Variants in SGCZ observed in about 807,000 individuals in gnomAD.
The protein encoded by SGCZ is sarcoglycan zeta.
Under a neutral mutation model 41.3 loss-of-function variants are expected in SGCZ, and 40 were observed. The ratio of observed to expected loss-of-function variants is 0.97; its 90% CI spans 0.75 to 1.26. The LOEUF (loss-of-function observed/expected upper bound fraction) is 1.26, where lower values mean the gene tolerates loss of function less well. SGCZ is among the 50% of genes most tolerant of loss of function. SGCZ has a pLI of 0.00. For missense variants in SGCZ, 552 were observed against 369.8 expected (o/e 1.49, Z -4.04); for synonymous variants, 206 against 137.5 (o/e 1.50, Z -3.49).
intron 2 of SGCZ, among the ~76,000 whole-genome samples, chr8:14,356,315 G>A (rs937843371): frequency 6.6e-6 from 1 of 152,168 alleles, no homozygotes; most frequent in African/African-American, 2.4e-5. Context: ...CTGTGTATCA[G>A]TTACCCAAAA....
rs1800912451 is a variant in SGCZ at position 14,461,923 on chromosome 8, ATGT to A, written c.234+92806_234+92808del. ...TATTGATTTGGGAATACTGTCAAAG[ATGT>A]TGTTATATAATGCTTCCACTTTCTG... On this transcript the variant is annotated intron_variant, in intron 2 of 7. Transcript: ENST00000382080. 2.0e-5 allele frequency among the ~76,000 whole-genome samples: 3 copies of A among 152,104 alleles called. No homozygotes were observed. In the South Asian group the frequency reaches 6.2e-4, roughly 31 times the overall value.
At chr8:15,106,088 T>C (rs1391069506) in intron 1 of SGCZ, among the ~76,000 whole-genome samples, 1 of 152,200 alleles carries the variant, frequency 6.6e-6, no homozygotes, top group Admixed American at 6.5e-5. Context: ...CTGTAATATC[T>C]AGCATTCCTA....
At chr8:15,173,975 G>C (rs1799928208) in intron 1 of SGCZ, among the ~76,000 whole-genome samples, 1 of 152,056 alleles carries the variant, frequency 6.6e-6, no homozygotes, top group African/African-American at 2.4e-5. Flanking sequence ...TTCCACTTCA[G>C]CCTCCCAACG....
chr8:14,298,342 C>G (rs1199350635), intron 3 of SGCZ, among the ~76,000 whole-genome samples: 1 of 151,736 alleles, frequency 6.6e-6, no homozygotes, highest in Non-Finnish European at 1.5e-5. Flanking sequence ...ATATTGTAGT[C>G]AGGCCTCACC....
At chr8:14,508,933 T>A (rs1217686395) in intron 2 of SGCZ, among the ~76,000 whole-genome samples, 1 of 152,176 alleles carries the variant, frequency 6.6e-6, no homozygotes, top group Non-Finnish European at 1.5e-5. Flanking sequence ...ATTACTATTT[T>A]ACAAACATCA....
chr8:14,387,623 A>G (rs1804621708), intron 2 of SGCZ, among the ~76,000 whole-genome samples: 2 of 152,200 alleles, frequency 1.3e-5, no homozygotes, highest in Admixed American at 6.5e-5. Context: ...TTAAATGAAT[A>G]TTTGCAATTT....
chr8:15,052,834 T>C lies in SGCZ; in HGVS notation c.39+184751A>G, dbSNP rs180987740. Among the ~76,000 whole-genome samples the C allele has an allele frequency of 2.0e-3, 312 of 152,278 alleles. 1 individual carries two copies. The highest frequency in any genetic ancestry group is 3.4e-3 in the Middle Eastern group (1 of 292). ...CAAGATATTTGATTTCAGAACACGT[T>C]GAAGGATAATGGCTTCCACTGAACT... On this transcript the variant is annotated intron_variant, in intron 1 of 7. Coordinates refer to ENST00000382080, the MANE Select transcript of SGCZ (RefSeq NM_139167.4).
intron 1 of SGCZ, among the ~76,000 whole-genome samples, chr8:14,678,817 G>A (rs751539027): frequency 9.9e-5 from 15 of 152,012 alleles, no homozygotes; most frequent in Non-Finnish European, 2.1e-4. Flanking sequence ...AAATACACTG[G>A]TACACCCAGA....
At chr8:14,563,175 C>T (rs901499322) in intron 1 of SGCZ, among the ~76,000 whole-genome samples, 3 of 152,174 alleles carry the variant, frequency 2.0e-5, no homozygotes, top group Non-Finnish European at 2.9e-5. Context: ...CTCATTACCC[C>T]AAGCTTGCTC....
intron 2 of SGCZ, among the ~76,000 whole-genome samples, chr8:14,512,855 T>C (rs887905024): frequency 6.6e-6 from 1 of 152,110 alleles, no homozygotes; most frequent in Non-Finnish European, 1.5e-5. Context: ...TGAAGTTTCA[T>C]TGAAGATAAG....
rs182406278 is a variant in SGCZ at position 14,518,561 on chromosome 8, G to T, written c.234+36171C>A. 1.4e-3 allele frequency among the ~76,000 whole-genome samples: 217 copies of T among 152,160 alleles called. 1 individual carries two copies. Among genetic ancestry groups the T allele is most frequent in the Non-Finnish European group, 6.5e-4 (44 of 67,982 alleles). On this transcript the variant is annotated intron_variant, in intron 2 of 7. Coordinates refer to ENST00000382080, the MANE Select transcript of SGCZ (RefSeq NM_139167.4). Reference sequence around the variant, plus strand: ...TTAAAATTTATTGTGAAATAAAATAGAACTTTGTCTAGAATTCCTTACTGG... The same window carrying T: ...TTAAAATTTATTGTGAAATAAAATATAACTTTGTCTAGAATTCCTTACTGG...
intron 7 of SGCZ, among the ~76,000 whole-genome samples, chr8:14,100,246 A>G (rs1051889867): frequency 1.3e-5 from 2 of 151,846 alleles, no homozygotes; most frequent in Non-Finnish European, 2.9e-5. Flanking sequence ...TCATTTGACA[A>G]TGAAGTTATA....
rs116548512 is a variant in SGCZ, at chr8:14,724,232, G to A, written c.40-169306C>T. Among the ~76,000 whole-genome samples, 371 of 152,090 alleles carry A rather than the reference G, an allele frequency of 2.4e-3. 3 individuals are homozygous for A. Among genetic ancestry groups the A allele is most frequent in the African/African-American group, 6.8e-3 (282 of 41,512 alleles). On this transcript the variant is annotated intron_variant, in intron 1 of 7. Transcript: ENST00000382080. ...TGTACTATTTAGAGGCAAGGGACTG[G>A]AAACAATGCTAAAGAGAAAGCAAGG... is the stretch of plus-strand genomic sequence containing the variant.
intron 1 of SGCZ, among the ~76,000 whole-genome samples, chr8:14,573,864 A>G (rs1804632378): frequency 6.6e-6 from 1 of 152,178 alleles, no homozygotes; most frequent in African/African-American, 2.4e-5. Context: ...TGATTAGACC[A>G]TGAAAAAATA....
At chr8:14,887,062 G>C (rs1804835598) in intron 1 of SGCZ, among the ~76,000 whole-genome samples, 1 of 152,104 alleles carries the variant, frequency 6.6e-6, no homozygotes, top group Non-Finnish European at 1.5e-5. Context: ...CAGATTGCAA[G>C]AGGAACAGGT....
chr8:14,093,163 G>A (rs1270366971), intron 7 of SGCZ, among the ~76,000 whole-genome samples: 1 of 152,082 alleles, frequency 6.6e-6, no homozygotes, highest in African/African-American at 2.4e-5. Context: ...ATTGACAGGA[G>A]TAGGAGAGAA....
intron 2 of SGCZ, among the ~76,000 whole-genome samples, chr8:14,423,098 C>T (rs1799679354): frequency 6.6e-6 from 1 of 151,948 alleles, no homozygotes; most frequent in Non-Finnish European, 1.5e-5. Flanking sequence ...CATAGGTAAA[C>T]CTTTTTTTCT....
intron 2 of SGCZ, among the ~76,000 whole-genome samples, chr8:14,331,768 A>G (rs1027602939): frequency 4.0e-5 from 6 of 151,792 alleles, no homozygotes; most frequent in Non-Finnish European, 7.4e-5. Context: ...ATACTTTTGT[A>G]TTAAATATAA....
chr8:14,690,116 T>TC (rs1364056620), intron 1 of SGCZ, among the ~76,000 whole-genome samples: 2 of 150,906 alleles, frequency 1.3e-5, no homozygotes, highest in Admixed American at 1.3e-4. Flanking sequence ...GTTGTCTCTT[T>TC]TTTTTTTTTT....
Sources: gnomAD v4.1 joint callset for allele counts (sites outside exome capture counted in the v4.1 genomes callset) on GRCh38, gnomAD v4.1.1 for gene constraint, MANE v1.5 for transcripts, NCBI Gene and HGNC (gene_info 2026-07-23, HGNC 2026-07-21) for gene names.